NDUFC2: variants seen among roughly 807,000 people sequenced by gnomAD.
The protein encoded by NDUFC2 is NADH:ubiquinone oxidoreductase subunit C2.
NDUFC2 carries 2 observed loss-of-function variants against 10.1 expected under a neutral mutation model. The observed-to-expected ratio is 0.20, with a 90% confidence interval of 0.08 to 0.62. The LOEUF is 0.62. Ranked by LOEUF, NDUFC2 falls within the 20% of genes least tolerant of loss-of-function variation. The pLI is 0.87. For missense variants in NDUFC2, 156 were observed against 159.6 expected, an observed-to-expected ratio of 0.98 and a Z score of 0.12; for synonymous variants, 61 against 63.6, an observed-to-expected ratio of 0.96 and a Z score of 0.20.
intron 2 of NDUFC2, among the ~76,000 whole-genome samples, chr11:78,071,978 C>A (rs1401018800): frequency 6.6e-6 from 1 of 152,038 alleles, no homozygotes; most frequent in African/African-American, 2.4e-5. Context: ...TGTGTAGGCT[C>A]TATACAAGAG....
chr11:78,072,553 G>C (rs1185696949), intron 2 of NDUFC2, among the ~76,000 whole-genome samples: 1 of 152,222 alleles, frequency 6.6e-6, no homozygotes, highest in Non-Finnish European at 1.5e-5. Context: ...TGAGTTAAGA[G>C]GCAAGTGCAA....
chr11:78,074,958 A>G (rs115555518), intron 1 of NDUFC2, among the ~76,000 whole-genome samples: 268 of 152,302 alleles, frequency 1.8e-3, no homozygotes, highest in African/African-American at 6.2e-3. Flanking sequence ...CCCTAAAGGC[A>G]TGGCTTGGCC....
Position 78,069,821 on chromosome 11 carries a change from C to G in NDUFC2, c.*166G>C. On this transcript the variant is annotated 3_prime_UTR_variant, in exon 3 of 3. Coordinates refer to ENST00000281031, the MANE Select transcript of NDUFC2 (RefSeq NM_004549.6). ...AAACTGACCATTCTCTGATGATGAA[C>G]TATTTTTCTTACAACAATAAAGAGT... 15 of 1,446,452 alleles carry G rather than the reference C, an allele frequency of 1.0e-5. No homozygotes were observed. The highest frequency in any genetic ancestry group is 1.4e-5 in the Non-Finnish European group (15 of 1,057,500). The allele number at this position is 1,446,452 out of a possible 1,614,324, so 89.6% of individuals were successfully genotyped here. A position where few individuals can be genotyped will look rare whatever the true frequency, so the allele number is the denominator to read the frequency against.
chr11:78,078,052 G>A (rs76387750), intron 1 of NDUFC2, among the ~76,000 whole-genome samples: 1 of 152,172 alleles, frequency 6.6e-6, no homozygotes, highest in East Asian at 1.9e-4. Flanking sequence ...TTTGAGCACT[G>A]GAAATGTGGG....
intron 2 of NDUFC2, among the ~76,000 whole-genome samples, chr11:78,072,462 GC>G (rs1222682068): frequency 6.6e-6 from 1 of 152,234 alleles, no homozygotes; most frequent in African/African-American, 2.4e-5. Flanking sequence ...ACAGGCGTGA[GC>G]CACTGCGACC....
At chr11:78,070,677 G>A (rs1369839371) in intron 2 of NDUFC2, among the ~76,000 whole-genome samples, 1 of 152,160 alleles carries the variant, frequency 6.6e-6, no homozygotes, top group Non-Finnish European at 1.5e-5. Flanking sequence ...TGCCAAGAGG[G>A]ACAAGGTGCT....
intron 1 of NDUFC2, among the ~76,000 whole-genome samples, chr11:78,077,453 T>C: frequency 6.6e-6 from 1 of 152,158 alleles, no homozygotes; most frequent in Non-Finnish European, 1.5e-5. Flanking sequence ...ATGCAAAAAT[T>C]AATTATTCTT....
intron 2 of NDUFC2, among the ~76,000 whole-genome samples, chr11:78,071,131 T>G (rs112926373): frequency 0.07 from 10,646 of 152,236 alleles, 1,222 homozygotes; most frequent in African/African-American, 0.24. Context: ...ATATCATATA[T>G]GTGACTGAAG....
At chr11:78,074,659 A>G (rs961076124) in intron 1 of NDUFC2, among the ~76,000 whole-genome samples, 3 of 152,200 alleles carry the variant, frequency 2.0e-5, no homozygotes, top group African/African-American at 7.2e-5. Flanking sequence ...TCACAGTAGT[A>G]GCATATAAAA....
intron 1 of NDUFC2, among the ~76,000 whole-genome samples, chr11:78,076,452 C>G (rs1394566625): frequency 6.6e-6 from 1 of 152,164 alleles, no homozygotes; most frequent in Non-Finnish European, 1.5e-5. Flanking sequence ...TCACTCAATA[C>G]TTACTGAACA....
At position 78,079,683 on chromosome 11, in the gene NDUFC2, G is replaced by T. The variant is rs11544622; in HGVS notation, c.62C>A (p.Pro21His). 5 of 1,610,098 alleles carry T rather than the reference G, an allele frequency of 3.1e-6. No individual in the cohort carries two copies. Among genetic ancestry groups the T allele is most frequent in the Non-Finnish European group, 4.2e-6 (5 of 1,178,522 alleles). Residue 21 changes from proline to histidine, a missense_variant, in exon 1 of 3, where the codon CCC (proline) becomes CAC (histidine). Physicochemically the swap from Pro to His is moderately conservative, Grantham distance 77 (BLOSUM62 -2). Coordinates refer to ENST00000281031, the MANE Select transcript of NDUFC2 (RefSeq NM_004549.6). ...CCGCGGGTCGGTCAGCTTGGGCGGG[G>T]GCAGGCTCCGGGCCTCATCCGGCAG... ...RFLPDEARSL[P>H]PPKLTDPRLL... is the part of the protein sequence containing the mutation.
In NDUFC2 at chr11:78,068,774, A is replaced by T. The variant is rs1312384908; in HGVS notation, c.*1213T>A. The T allele has an allele frequency of 2.8e-5, 1 of 35,812 alleles. No individual in the cohort carries two copies. Among genetic ancestry groups the T allele is most frequent in the African/African-American group, 1.5e-4 (1 of 6,754 alleles). The allele number at this position is 35,812 out of a possible 1,614,324, so 2.2% of individuals were successfully genotyped here. ...CACTCCAGCCTGATGACAGAGCAAG[A>T]CTGTCGTCTCAAAAAAAAAAAAAAA... On this transcript the variant is annotated 3_prime_UTR_variant, in exon 3 of 3. Transcript: ENST00000281031.
Position 78,073,159 on chromosome 11 carries a change from A to C in NDUFC2, c.167-18T>G. Reference sequence around the variant, plus strand: ...ATGCAAACCTGAAATTCAAATGACAAATCCCAAAGAAAGCAAAAATTAGTC... The same window carrying C: ...ATGCAAACCTGAAATTCAAATGACACATCCCAAAGAAAGCAAAAATTAGTC... On this transcript the variant is annotated intron_variant, in intron 1 of 2. Coordinates refer to ENST00000281031, the MANE Select transcript of NDUFC2 (RefSeq NM_004549.6). 1 of 1,611,888 alleles carries C rather than the reference A, an allele frequency of 6.2e-7. No individual in the cohort carries two copies. The highest frequency in any genetic ancestry group is 1.1e-5 in the South Asian group (1 of 90,574).
chr11:78,073,950 C>T (rs1464834281), intron 1 of NDUFC2, among the ~76,000 whole-genome samples: 1 of 151,784 alleles, frequency 6.6e-6, no homozygotes, highest in African/African-American at 2.4e-5. Context: ...CAGCTCACTG[C>T]AGCCTCAACC....
intron 1 of NDUFC2, among the ~76,000 whole-genome samples, chr11:78,077,769 G>A (rs184469695): frequency 1.4e-3 from 213 of 152,250 alleles, no homozygotes; most frequent in Non-Finnish European, 2.4e-3. Flanking sequence ...TGTTGCCCAG[G>A]CTGGTCTTGA....
At chr11:78,072,744 C>T in intron 2 of NDUFC2, 3 of 549,854 alleles carry the variant, frequency 5.5e-6, no homozygotes, top group Non-Finnish European at 6.3e-6. Flanking sequence ...GACAGTAGTG[C>T]CATTCTCTGA....
chr11:78,074,246 A>G (rs1201449517), intron 1 of NDUFC2, among the ~76,000 whole-genome samples: 1 of 152,122 alleles, frequency 6.6e-6, no homozygotes, highest in Admixed American at 6.6e-5. Context: ...TTTAGCATAT[A>G]GCACTTAATA....
rs1858836483 is a variant in NDUFC2 at position 78,068,410 on chromosome 11, T to C, written c.*1577A>G. ...CTCAACCTAATTTCAGTTTTTACAA[T>C]TGGTACTCAAGAAAATAGAGACAGA... is the stretch of plus-strand genomic sequence containing the variant. On this transcript the variant is annotated 3_prime_UTR_variant, in exon 3 of 3. Transcript: ENST00000281031. 6.6e-6 allele frequency: 1 copy of C among 152,244 alleles called. No individual in the cohort carries two copies. The highest frequency in any genetic ancestry group is 1.5e-5 in the Non-Finnish European group (1 of 68,032). 9.4% of individuals were successfully genotyped at this position (152,244 alleles called of 1,614,324 possible). A position where few individuals can be genotyped will look rare whatever the true frequency, so the allele number is the denominator to read the frequency against.
At chr11:78,075,306 C>T (rs1028006628) in intron 1 of NDUFC2, among the ~76,000 whole-genome samples, 2 of 152,116 alleles carry the variant, frequency 1.3e-5, no homozygotes, top group African/African-American at 4.8e-5. Flanking sequence ...AGGGTGACTA[C>T]AGTTAATAAT....
Sources: allele counts gnomAD v4.1 joint callset (sites outside exome capture counted in the v4.1 genomes callset), GRCh38; gene constraint gnomAD v4.1.1; transcripts MANE v1.5; gene names NCBI Gene and HGNC (gene_info 2026-07-23, HGNC 2026-07-21).